Variants in LOC102723971 observed in about 807,000 individuals in gnomAD.
At chr9:135,617,271 A>G in the LOC102723971 span, among the ~76,000 whole-genome samples, 2 of 152,198 alleles carry the variant, frequency 1.3e-5, no homozygotes, top group Admixed American at 1.3e-4. Context: ...CAAGGCGGGC[A>G]TTGCTCTGGG....
At chr9:135,617,887 G>T in the LOC102723971 span, 1 of 398,428 alleles carries the variant, frequency 2.5e-6, no homozygotes, top group South Asian at 1.3e-4. Flanking sequence ...AGAGGAGGAG[G>T]AGGACAGAAA....
the LOC102723971 span, among the ~76,000 whole-genome samples, chr9:135,616,132 A>AG: frequency 6.6e-6 from 1 of 152,096 alleles, no homozygotes; most frequent in Non-Finnish European, 1.5e-5. Flanking sequence ...CATGGGAGTG[A>AG]GGGGGGCTCT....
the LOC102723971 span, among the ~76,000 whole-genome samples, chr9:135,618,574 A>G: frequency 1.1e-4 from 16 of 151,996 alleles, no homozygotes; most frequent in African/African-American, 3.4e-4. Flanking sequence ...TTTGAGGAGC[A>G]TGACCGTGCT....
At chr9:135,619,779 A>G in the LOC102723971 span, among the ~76,000 whole-genome samples, 3 of 151,862 alleles carry the variant, frequency 2.0e-5, no homozygotes, top group African/African-American at 7.3e-5. Flanking sequence ...CAGGGACTCA[A>G]TACTTGTCGT....
the LOC102723971 span, among the ~76,000 whole-genome samples, chr9:135,617,219 G>A: frequency 2.6e-5 from 4 of 152,208 alleles, no homozygotes; most frequent in Non-Finnish European, 5.9e-5. Context: ...ATGCCCCTCA[G>A]GGAGGGTGTC....
the LOC102723971 span, chr9:135,618,056 C>A: frequency 3.0e-5 from 12 of 398,552 alleles, no homozygotes; most frequent in Non-Finnish European, 5.3e-5. Context: ...TGAGCACTGT[C>A]CCCCAGCCAC....
chr9:135,619,369 C>T, the LOC102723971 span, among the ~76,000 whole-genome samples: 28 of 152,230 alleles, frequency 1.8e-4, no homozygotes, highest in Admixed American at 1.4e-3. Flanking sequence ...CAGGTGCCTC[C>T]GATGCACCCC....
At chr9:135,617,967 AC>A in the LOC102723971 span, 1 of 398,710 alleles carries the variant, frequency 2.5e-6, no homozygotes, top group Admixed American at 4.4e-5. Flanking sequence ...ATGCTGGAGG[AC>A]CCCAAATGGC....
chr9:135,618,116 C>T, the LOC102723971 span: 4 of 398,124 alleles, frequency 1.0e-5, no homozygotes, highest in Non-Finnish European at 1.8e-5. Flanking sequence ...GCCTCGTCTT[C>T]CCAGCCAGCA....
At chr9:135,616,216 G>A in the LOC102723971 span, among the ~76,000 whole-genome samples, 1 of 152,188 alleles carries the variant, frequency 6.6e-6, no homozygotes. Flanking sequence ...AGTGGGGACA[G>A]GCAGGACAGT....
At chr9:135,616,568 T>G in the LOC102723971 span, 1 of 398,718 alleles carries the variant, frequency 2.5e-6, no homozygotes, top group Non-Finnish European at 4.4e-6. Context: ...CAGGCCCTGG[T>G]TCCTTTCTCT....
chr9:135,615,803 C>G, the LOC102723971 span, among the ~76,000 whole-genome samples: 29 of 152,162 alleles, frequency 1.9e-4, no homozygotes, highest in African/African-American at 7.0e-4. Flanking sequence ...TGAAAGTTGC[C>G]TCATTCCCAA....
chr9:135,617,443 C>T, the LOC102723971 span, among the ~76,000 whole-genome samples: 1 of 151,912 alleles, frequency 6.6e-6, no homozygotes, highest in East Asian at 1.9e-4. Flanking sequence ...TGGGGGACAT[C>T]GAGGGGCTGC....
the LOC102723971 span, chr9:135,616,719 G>A: frequency 0.98 from 391,123 of 398,520 alleles, 192,322 homozygotes; most frequent in East Asian, 1. Flanking sequence ...CGAGCAAGGG[G>A]CGCTCGGATG....
chr9:135,618,398 A>G, the LOC102723971 span, among the ~76,000 whole-genome samples: 1 of 151,666 alleles, frequency 6.6e-6, no homozygotes, highest in East Asian at 1.9e-4. Context: ...CATTCAGTCA[A>G]TCAACAAGCA....
chr9:135,614,302 G>A, the LOC102723971 span: 8 of 398,626 alleles, frequency 2.0e-5, no homozygotes, highest in East Asian at 2.8e-4. Context: ...CGGGTGCCCA[G>A]AAGGCTCTGG....
chr9:135,616,677 G>A, the LOC102723971 span: 61 of 398,702 alleles, frequency 1.5e-4, no homozygotes, highest in Middle Eastern at 1.9e-3. Flanking sequence ...GCCCCTGTCC[G>A]GGATCTGGGC....
the LOC102723971 span, chr9:135,615,484 C>T: frequency 3.8e-5 from 15 of 398,598 alleles, no homozygotes; most frequent in Non-Finnish European, 4.9e-5. Flanking sequence ...ACGTGGACTT[C>T]GTGCTGTTCT....
At chr9:135,619,875 C>T in the LOC102723971 span, among the ~76,000 whole-genome samples, 4 of 128,592 alleles carry the variant, frequency 3.1e-5, no homozygotes, top group East Asian at 2.8e-4. Context: ...CCTTCTCCCC[C>T]TTCTCCCCAA....
Sources: gnomAD v4.1 joint callset for allele counts (sites outside exome capture counted in the v4.1 genomes callset) on GRCh38, gnomAD v4.1.1 for gene constraint, MANE v1.5 for transcripts.